The following GHR variants were observed in gnomAD, a reference collection of about 807,000 sequenced individuals.
GHR encodes GH receptor.
GHR carries 35 observed loss-of-function variants against 67.1 expected under a neutral mutation model. That is an observed-to-expected ratio of 0.52 (90% CI 0.40 to 0.69). The LOEUF is 0.69. GHR is among the 30% of genes least tolerant of loss of function. The pLI is 0.00. For missense variants in GHR, 792 were observed against 764.6 expected (o/e 1.04, Z -0.42); for synonymous variants, 272 against 269.1 (o/e 1.01, Z -0.10).
intron 3 of GHR, among the ~76,000 whole-genome samples, chr5:42,663,201 T>G (rs1020311418): frequency 7.2e-5 from 11 of 152,266 alleles, no homozygotes; most frequent in South Asian, 6.2e-4. Flanking sequence ...CTGAAACCAT[T>G]CCAATCAATA....
chr5:42,681,419 C>T (rs1696319005), intron 3 of GHR, among the ~76,000 whole-genome samples: 1 of 152,164 alleles, frequency 6.6e-6, no homozygotes, highest in Admixed American at 6.5e-5. Context: ...TACCATTTCA[C>T]ACCAGTTAGA....
intron 2 of GHR, among the ~76,000 whole-genome samples, chr5:42,572,585 G>A (rs535038560): frequency 6.6e-6 from 1 of 152,276 alleles, no homozygotes; most frequent in African/African-American, 2.4e-5. Flanking sequence ...AGGCCTTGGG[G>A]CTTAGAGCAC....
chr5:42,451,394 CT>C (rs558843340), intron 1 of GHR, among the ~76,000 whole-genome samples: 26,187 of 146,352 alleles, frequency 0.18, 2,520 homozygotes, highest in Middle Eastern at 0.28. Context: ...CCCTCTTTGT[CT>C]TTTTTTTTTT....
At position 42,718,071 on chromosome 5, in the gene GHR, C is replaced by T. The variant is rs757458674; in HGVS notation, c.895C>T (p.Pro299Ser). Residue 299 changes from proline (P) to serine (S), a missense_variant, in exon 9 of 10, where the codon CCC becomes TCC. By Grantham distance (74) the Pro-to-Ser change is moderately conservative. Transcript: ENST00000230882. ...KQQRIKMLIL[P>S]PVPVPKIKGI... ...TTCAAGGATTAAAATGCTGATTCTG[C>T]CCCCAGTTCCAGTTCCAAAGATTAA... is the stretch of plus-strand genomic sequence containing the variant. 3.2e-6 allele frequency: 5 copies of T among 1,585,802 alleles called. No individual in the cohort carries two copies. The highest frequency in any genetic ancestry group is 4.3e-6 in the Non-Finnish European group (5 of 1,154,926).
At chr5:42,474,301 G>GAAAGAAAGAAAGAAAGAAAGAA (rs1745171384) in intron 1 of GHR, among the ~76,000 whole-genome samples, 1 of 137,784 alleles carries the variant, frequency 7.3e-6, no homozygotes. Flanking sequence ...GAAAGAGAAA[G>GAAAGAAAGAAAGAAAGAAAGAA]AAAGAAAGAA....
chr5:42,552,654 C>A (rs1406585573), intron 1 of GHR, among the ~76,000 whole-genome samples: 1 of 152,122 alleles, frequency 6.6e-6, no homozygotes, highest in Non-Finnish European at 1.5e-5. Context: ...TTTGTTTGTT[C>A]TCTATGGCAC....
At chr5:42,607,263 G>C (rs1011709355) in intron 2 of GHR, among the ~76,000 whole-genome samples, 2 of 152,264 alleles carry the variant, frequency 1.3e-5, no homozygotes, top group East Asian at 3.9e-4. Context: ...TTCTAGCAGG[G>C]TGAAAACAGA....
At chr5:42,656,375 A>T (rs1755256185) in intron 3 of GHR, among the ~76,000 whole-genome samples, 1 of 152,140 alleles carries the variant, frequency 6.6e-6, no homozygotes. Flanking sequence ...AAGACAGTAA[A>T]CTGTAGCCTC....
chr5:42,709,243 C>T (rs1037797198), intron 6 of GHR, among the ~76,000 whole-genome samples: 1 of 152,148 alleles, frequency 6.6e-6, no homozygotes, highest in African/African-American at 2.4e-5. Flanking sequence ...AAGTGATTCT[C>T]GTGCCTCAGA....
At chr5:42,439,952 C>T (rs1743495798) in intron 1 of GHR, among the ~76,000 whole-genome samples, 1 of 152,116 alleles carries the variant, frequency 6.6e-6, no homozygotes, top group African/African-American at 2.4e-5. Flanking sequence ...TTATATTGAA[C>T]TGGACTGTAT....
chr5:42,678,785 T>C (rs953422827), intron 3 of GHR, among the ~76,000 whole-genome samples: 2 of 151,978 alleles, frequency 1.3e-5, no homozygotes, highest in Non-Finnish European at 2.9e-5. Flanking sequence ...CCTGTATTAG[T>C]AAATCAATTT....
At chr5:42,450,009 A>T (rs1743979210) in intron 1 of GHR, among the ~76,000 whole-genome samples, 1 of 152,046 alleles carries the variant, frequency 6.6e-6, no homozygotes, top group African/African-American at 2.4e-5. Flanking sequence ...CTTGATCATG[A>T]TGTGTTATCT....
At chr5:42,447,256 T>C (rs1441082455) in intron 1 of GHR, among the ~76,000 whole-genome samples, 1 of 152,142 alleles carries the variant, frequency 6.6e-6, no homozygotes, top group Non-Finnish European at 1.5e-5. Context: ...CCAAGCAGTA[T>C]ACACTGTACC....
chr5:42,483,733 C>G (rs1182915970), intron 1 of GHR, among the ~76,000 whole-genome samples: 1 of 152,100 alleles, frequency 6.6e-6, no homozygotes. Flanking sequence ...TAGCCCATGT[C>G]CATAACATTG....
chr5:42,541,463 T>G (rs569419395), intron 1 of GHR, among the ~76,000 whole-genome samples: 415 of 151,858 alleles, frequency 2.7e-3, no homozygotes, highest in Non-Finnish European at 3.0e-3. Context: ...GCAGAGATAG[T>G]GGGTGAGAGT....
intron 1 of GHR, among the ~76,000 whole-genome samples, chr5:42,545,467 A>G (rs1226467998): frequency 1.3e-5 from 2 of 152,220 alleles, no homozygotes; most frequent in African/African-American, 4.8e-5. Context: ...TTTATTTTAT[A>G]CTACATTAGT....
At chr5:42,601,476 G>C (rs1325675234) in intron 2 of GHR, among the ~76,000 whole-genome samples, 3 of 152,004 alleles carry the variant, frequency 2.0e-5, no homozygotes, top group Non-Finnish European at 2.9e-5. Context: ...TAAGGTTAGT[G>C]GTTCCAAAGG....
At chr5:42,580,001 A>G (rs904688745) in intron 2 of GHR, among the ~76,000 whole-genome samples, 1 of 152,016 alleles carries the variant, frequency 6.6e-6, no homozygotes, top group African/African-American at 2.4e-5. Context: ...ATTTCCCCCA[A>G]TATTAGTGGT....
intron 1 of GHR, among the ~76,000 whole-genome samples, chr5:42,505,718 C>T (rs1561082568): frequency 6.6e-6 from 1 of 152,126 alleles, no homozygotes; most frequent in African/African-American, 2.4e-5. Context: ...ATTACATTGT[C>T]ACATTGGATT....
Sources: allele counts gnomAD v4.1 joint callset (sites outside exome capture counted in the v4.1 genomes callset), GRCh38; gene constraint gnomAD v4.1.1; transcripts MANE v1.5; gene names NCBI Gene and HGNC (gene_info 2026-07-23, HGNC 2026-07-21).